Variants in ATP13A4 observed in about 807,000 individuals in gnomAD.
The protein encoded by ATP13A4 is ATPase 13A4.
ATP13A4 carries 114 observed loss-of-function variants against 142.5 expected under a neutral mutation model. That is an observed-to-expected ratio of 0.80 (90% CI 0.69 to 0.93). The LOEUF (loss-of-function observed/expected upper bound fraction) is 0.93. Ranked by LOEUF, ATP13A4 falls within the 40% of genes least tolerant of loss-of-function variation. The pLI, the probability that ATP13A4 is intolerant of heterozygous loss-of-function variation, is 0.00. For synonymous variants in ATP13A4, 488 were observed against 514.8 expected (o/e 0.95, Z 0.70); for missense variants, 1,392 against 1,454.0 (o/e 0.96, Z 0.69).
At chr3:193,454,442 G>C (rs1717467134) in intron 16 of ATP13A4, among the ~76,000 whole-genome samples, 1 of 152,138 alleles carries the variant, frequency 6.6e-6, no homozygotes, top group African/African-American at 2.4e-5. Context: ...AAAAAAGATA[G>C]GAAAAGTGTA....
intron 21 of ATP13A4, 165 bp from the exon 22 acceptor site, chr3:193,439,230 T>G: frequency 2.8e-6 from 2 of 702,792 alleles, no homozygotes; most frequent in Non-Finnish European, 4.9e-6. Context: ...CAGCAGTTAA[T>G]ACAATGGATT....
chr3:193,585,048 A>G (rs542300860), intron 1 of ATP13A4, among the ~76,000 whole-genome samples: 2 of 152,196 alleles, frequency 1.3e-5, no homozygotes, highest in Non-Finnish European at 2.9e-5. Context: ...TGCAGCCTGC[A>G]GGCTGCATGC....
intron 17 of ATP13A4, among the ~76,000 whole-genome samples, chr3:193,453,863 C>T (rs986738590): frequency 6.6e-6 from 1 of 152,138 alleles, no homozygotes; most frequent in African/African-American, 2.4e-5. Flanking sequence ...ATGACTATTT[C>T]TCATAAAATC....
At chr3:193,429,392 C>T (rs1045944144) in intron 25 of ATP13A4, among the ~76,000 whole-genome samples, 1 of 151,938 alleles carries the variant, frequency 6.6e-6, no homozygotes, top group Non-Finnish European at 1.5e-5. Context: ...GGTGGGAGCA[C>T]CCAAGTCCAT....
At chr3:193,576,507 A>G (rs911127998) in intron 2 of ATP13A4, among the ~76,000 whole-genome samples, 1 of 150,770 alleles carries the variant, frequency 6.6e-6, no homozygotes, top group Non-Finnish European at 1.5e-5. Flanking sequence ...TCCTGACCTC[A>G]TGATCCACCC....
At chr3:193,513,472 G>A (rs1721243269) in intron 2 of ATP13A4, among the ~76,000 whole-genome samples, 1 of 152,196 alleles carries the variant, frequency 6.6e-6, no homozygotes, top group African/African-American at 2.4e-5. Flanking sequence ...CTAGGAGACT[G>A]TCCTTCCACT....
chr3:193,459,313 T>C (rs935602507), intron 13 of ATP13A4, 82 bp from the exon 14 acceptor site: 30 of 1,518,152 alleles, frequency 2.0e-5, no homozygotes, highest in Non-Finnish European at 2.6e-5. Flanking sequence ...AACATCTTTA[T>C]AAAAAAATAA....
intron 7 of ATP13A4, among the ~76,000 whole-genome samples, chr3:193,489,480 G>T (rs1345548771): frequency 6.6e-6 from 1 of 152,118 alleles, no homozygotes; most frequent in African/African-American, 2.4e-5. Flanking sequence ...TTTGGATGTT[G>T]TTCTGGCTAA....
Position 193,439,045 on chromosome 3 carries a change from C to T in ATP13A4, c.2540G>A (p.Gly847Asp). ...QKLDYFVGMCGDGANDCGALK... is the reference protein window; with the variant it reads ...QKLDYFVGMCDDGANDCGALK... ...TACCCCACAGTCATTGGCTCCATCA[C>T]CACACATACCTACAAAGTAACTAAG... Residue 847 changes from glycine to aspartate, a missense_variant, in exon 22 of 30, where the codon GGT becomes GAT. By Grantham distance (94) the Gly-to-Asp change is moderately conservative (BLOSUM62 -1). Coordinates refer to ENST00000342695, the MANE Select transcript of ATP13A4 (RefSeq NM_032279.4). The T allele has an allele frequency of 6.2e-7, 1 of 1,609,432 alleles. No homozygotes were observed. The highest frequency in any genetic ancestry group is 8.5e-7 in the Non-Finnish European group (1 of 1,175,782).
rs746367484 is a variant in ATP13A4 at position 193,459,234 on chromosome 3, T to C, written c.1524-3A>G. 1.9e-6 allele frequency: 3 copies of C among 1,614,082 alleles called. No individual in the cohort carries two copies. Among genetic ancestry groups the C allele is most frequent in the Non-Finnish European group, 2.5e-6 (3 of 1,180,036 alleles). The stretch of plus-strand genomic sequence containing the variant: ...CAAAGCTGTGAACTTCCTGAAAGCT[T>C]AAGGAGAAAAGGAAATGGGTTTCCA... On this transcript the variant is annotated splice_polypyrimidine_tract_variant and splice_region_variant and intron_variant, in intron 13 of 29. Transcript: ENST00000342695.
chr3:193,405,888 G>C (rs1428868690), intron 29 of ATP13A4, among the ~76,000 whole-genome samples: 1 of 152,066 alleles, frequency 6.6e-6, no homozygotes, highest in African/African-American at 2.4e-5. Flanking sequence ...CTGTGATCAC[G>C]AACAGGGATA....
chr3:193,552,229 C>A (rs1023427006), intron 1 of ATP13A4, among the ~76,000 whole-genome samples: 4 of 152,220 alleles, frequency 2.6e-5, no homozygotes, highest in Non-Finnish European at 1.5e-5. Flanking sequence ...GCCTCGGCCT[C>A]CCAAAGTGCT....
At chr3:193,471,237 A>G (rs1718605219) in intron 8 of ATP13A4, among the ~76,000 whole-genome samples, 1 of 152,214 alleles carries the variant, frequency 6.6e-6, no homozygotes, top group African/African-American at 2.4e-5. Context: ...CAAATTCAGA[A>G]GCAAATTTGA....
intron 1 of ATP13A4, among the ~76,000 whole-genome samples, chr3:193,519,216 A>G (rs1449593434): frequency 6.6e-6 from 1 of 152,226 alleles, no homozygotes; most frequent in Non-Finnish European, 1.5e-5. Context: ...TTGATTTTGA[A>G]ACCCATGGTA....
intron 2 of ATP13A4, among the ~76,000 whole-genome samples, chr3:193,561,761 T>A (rs1452801704): frequency 1.3e-5 from 2 of 152,194 alleles, no homozygotes; most frequent in African/African-American, 2.4e-5. Flanking sequence ...GCAATCTTAA[T>A]AAAACTGTGC....
chr3:193,435,459 C>T (rs1193516503), intron 24 of ATP13A4, among the ~76,000 whole-genome samples, 189 bp downstream of exon 24: 1 of 152,132 alleles, frequency 6.6e-6, no homozygotes, highest in Non-Finnish European at 1.5e-5. Context: ...GAATTGACAT[C>T]AGCAACTTTT....
At chr3:193,403,317 A>G (rs1714340836) in intron 29 of ATP13A4, among the ~76,000 whole-genome samples, 1 of 152,230 alleles carries the variant, frequency 6.6e-6, no homozygotes, top group African/African-American at 2.4e-5. Context: ...ATATCCTGAC[A>G]TATCACTGCA....
intron 1 of ATP13A4, among the ~76,000 whole-genome samples, chr3:193,517,135 T>C (rs941052085): frequency 2.0e-5 from 3 of 152,232 alleles, no homozygotes; most frequent in Non-Finnish European, 2.9e-5. Flanking sequence ...GAAGATGATG[T>C]GGGCTGGCCA....
intron 28 of ATP13A4, among the ~76,000 whole-genome samples, chr3:193,408,491 GAAGC>G (rs1171921473): frequency 6.6e-6 from 1 of 152,156 alleles, no homozygotes; most frequent in African/African-American, 2.4e-5. Flanking sequence ...TTATATGAAA[GAAGC>G]AAGGTGCAGG....
Sources: gnomAD v4.1 joint callset for allele counts (sites outside exome capture counted in the v4.1 genomes callset) on GRCh38, gnomAD v4.1.1 for gene constraint, MANE v1.5 for transcripts, NCBI Gene and HGNC (gene_info 2026-07-23, HGNC 2026-07-21) for gene names.